The following GRIN2A variants were observed in gnomAD, a reference collection of about 807,000 sequenced individuals.
GRIN2A encodes the protein glutamate receptor ionotropic, NMDA 2A.
In GRIN2A, 22 loss-of-function variants were observed where a neutral mutation model predicts 113.4. The observed-to-expected ratio is 0.19, with a 90% CI of 0.14 to 0.28. The LOEUF (loss-of-function observed/expected upper bound fraction) is 0.28, where lower values mean the gene tolerates loss of function less well. Among genes scored for constraint, GRIN2A ranks in the 10% least tolerant of loss-of-function variants. GRIN2A has a pLI of 1.00. For missense variants in GRIN2A, 1,502 were observed against 1,887.0 expected (o/e 0.80, Z 3.78); for synonymous variants, 827 against 738.4 (o/e 1.12, Z -1.94).
At chr16:9,841,893 C>G (rs2042686498) in intron 5 of GRIN2A, among the ~76,000 whole-genome samples, 1 of 152,184 alleles carries the variant, frequency 6.6e-6, no homozygotes, top group Non-Finnish European at 1.5e-5. Context: ...TACCAGCCAC[C>G]TTGCTGTATT....
intron 2 of GRIN2A, among the ~76,000 whole-genome samples, chr16:10,010,653 T>C (rs531210834): frequency 6.6e-6 from 1 of 152,180 alleles, no homozygotes; most frequent in Non-Finnish European, 1.5e-5. Flanking sequence ...GTGAATACTA[T>C]GGATTTGCAG....
At chr16:9,913,762 C>A (rs947915725) in intron 3 of GRIN2A, among the ~76,000 whole-genome samples, 2 of 151,292 alleles carry the variant, frequency 1.3e-5, no homozygotes, top group African/African-American at 4.9e-5. Flanking sequence ...CTAGGTCCAA[C>A]TTTTTTTTTA....
chr16:9,808,345 A>C (rs756425965), intron 10 of GRIN2A, among the ~76,000 whole-genome samples: 6 of 152,178 alleles, frequency 3.9e-5, no homozygotes, highest in Non-Finnish European at 5.9e-5. Context: ...TGGAGTGGGA[A>C]TTCGAATCCA....
chr16:9,860,073 C>T (rs1203851114), intron 4 of GRIN2A, among the ~76,000 whole-genome samples: 5 of 151,962 alleles, frequency 3.3e-5, no homozygotes, highest in Non-Finnish European at 7.4e-5. Flanking sequence ...GAGACAAATG[C>T]TATGCCGGGA....
chr16:10,002,806 T>C (rs963879113), intron 2 of GRIN2A, among the ~76,000 whole-genome samples: 2 of 152,230 alleles, frequency 1.3e-5, no homozygotes, highest in African/African-American at 2.4e-5. Context: ...TTTTAACAGT[T>C]GGTAAACCAT....
chr16:9,797,757 G>A (rs1903091174), intron 11 of GRIN2A, among the ~76,000 whole-genome samples: 2 of 152,300 alleles, frequency 1.3e-5, no homozygotes, highest in South Asian at 4.1e-4. Flanking sequence ...AACATGTGAG[G>A]TTGGATAATT....
intron 2 of GRIN2A, among the ~76,000 whole-genome samples, chr16:10,088,684 A>C (rs1596492768): frequency 6.6e-6 from 1 of 152,014 alleles, no homozygotes; most frequent in Non-Finnish European, 1.5e-5. Context: ...GCTCCCACCC[A>C]CTCGGCTGTG....
chr16:9,794,147 G>T (rs1902809183), intron 11 of GRIN2A, among the ~76,000 whole-genome samples: 1 of 152,230 alleles, frequency 6.6e-6, no homozygotes, highest in African/African-American at 2.4e-5. Flanking sequence ...CAATTAGATG[G>T]AAAAGGAAGG....
intron 2 of GRIN2A, among the ~76,000 whole-genome samples, chr16:10,002,231 C>A (rs551834046): frequency 6.6e-6 from 1 of 152,300 alleles, no homozygotes; most frequent in East Asian, 1.9e-4. Context: ...GCTTTAACAT[C>A]AGCTCAGTGC....
chr16:10,114,881 T>C (rs191566321), intron 2 of GRIN2A, among the ~76,000 whole-genome samples: 2 of 152,264 alleles, frequency 1.3e-5, no homozygotes, highest in African/African-American at 4.8e-5. Context: ...ATTTTTTGTT[T>C]AGATATTTTC....
Position 9,764,637 on chromosome 16 carries a change from G to A in GRIN2A, c.2907C>T (p.Asn969=), listed in dbSNP as rs772589363. The A allele has an allele frequency of 6.2e-7, 1 of 1,614,130 alleles. No homozygotes were observed. Among genetic ancestry groups the A allele is most frequent in the Non-Finnish European group, 8.5e-7 (1 of 1,179,994 alleles). ...AGTTATTGAGGTTATCCTTCTGCCG[G>A]TTGGCCACAAATGTTTGGAGTTCGT... The part of the protein sequence containing the change: ...NMNELQTFVA[N]RQKDNLNNYV... The change falls in exon 13 of 13, where the codon AAC becomes AAT. Residue 969 remains asparagine, a synonymous_variant. Coordinates refer to ENST00000330684, the MANE Select transcript of GRIN2A (RefSeq NM_001134407.3).
In GRIN2A at chr16:9,760,951, T is replaced by C. The variant is rs114597650; in HGVS notation, c.*2198A>G. 5.6e-5 allele frequency: 13 copies of C among 232,408 alleles called. No homozygotes were observed. Among genetic ancestry groups the C allele is most frequent in the African/African-American group, 2.9e-4 (13 of 45,374 alleles). 14.4% of individuals were successfully genotyped at this position (232,408 alleles called of 1,614,324 possible). On this transcript the variant is annotated 3_prime_UTR_variant, in exon 13 of 13. Transcript: ENST00000330684. The stretch of plus-strand genomic sequence containing the variant: ...ATTTAGGATCAGATGTTGGGGTGAC[T>C]ATTCTGGGCCCTTCGATCCAGGCTT...
intron 2 of GRIN2A, among the ~76,000 whole-genome samples, chr16:9,949,902 G>A (rs1295224311): frequency 6.6e-6 from 1 of 152,168 alleles, no homozygotes; most frequent in African/African-American, 2.4e-5. Context: ...AGAGGGCAGG[G>A]TATAAGTGAG....
intron 2 of GRIN2A, among the ~76,000 whole-genome samples, chr16:10,039,920 C>T (rs901183244): frequency 1.2e-4 from 17 of 146,428 alleles, no homozygotes; most frequent in African/African-American, 4.0e-4. Context: ...ACACTCACAG[C>T]GCACATGCAA....
chr16:10,090,596 G>C (rs2048167647), intron 2 of GRIN2A, among the ~76,000 whole-genome samples: 1 of 151,334 alleles, frequency 6.6e-6, no homozygotes, highest in African/African-American at 2.4e-5. Context: ...AAAAAAATTA[G>C]AGAAAACCAT....
intron 2 of GRIN2A, among the ~76,000 whole-genome samples, chr16:9,965,180 C>A (rs549932131): frequency 3.5e-4 from 53 of 152,318 alleles, no homozygotes; most frequent in African/African-American, 1.2e-3. Context: ...CAGTTGCATA[C>A]TCACACGCTG....
chr16:9,843,355 G>A (rs1005418816), intron 5 of GRIN2A, among the ~76,000 whole-genome samples: 3 of 152,138 alleles, frequency 2.0e-5, no homozygotes, highest in East Asian at 1.9e-4. Context: ...TAAGAGACAC[G>A]CTCTTGCTCT....
chr16:10,082,062 C>T (rs2047995716), intron 2 of GRIN2A, among the ~76,000 whole-genome samples: 1 of 152,140 alleles, frequency 6.6e-6, no homozygotes, highest in Admixed American at 6.5e-5. Flanking sequence ...CAAGCAAATC[C>T]CACCTGGACA....
At chr16:10,159,101 G>A (rs1189393008) in intron 2 of GRIN2A, among the ~76,000 whole-genome samples, 1 of 152,108 alleles carries the variant, frequency 6.6e-6, no homozygotes, top group Non-Finnish European at 1.5e-5. Context: ...CCAAAAATAA[G>A]CTTCTGTGAT....
Sources: allele counts gnomAD v4.1 joint callset (sites outside exome capture counted in the v4.1 genomes callset), GRCh38; gene constraint gnomAD v4.1.1; transcripts MANE v1.5; gene names NCBI Gene and HGNC (gene_info 2026-07-23, HGNC 2026-07-21).